FOXP1: variants seen among roughly 807,000 people sequenced by gnomAD.
The protein encoded by FOXP1 is forkhead box P1.
Under a neutral mutation model 98.2 loss-of-function variants are expected in FOXP1, and 15 were observed. That is an observed-to-expected ratio of 0.15 (90% CI 0.10 to 0.24). The LOEUF is 0.24. Ranked by LOEUF, FOXP1 falls within the 10% of genes least tolerant of loss-of-function variation. The probability of loss-of-function intolerance (pLI) is 1.00; values close to 1 mark genes in which losing one functional copy is unlikely to be tolerated. For missense variants in FOXP1, 633 were observed against 848.5 expected (o/e 0.75, Z 3.15); for synonymous variants, 371 against 314.5 (o/e 1.18, Z -1.90).
intron 2 of FOXP1, among the ~76,000 whole-genome samples, chr3:71,560,030 G>A (rs2046419171): frequency 6.6e-6 from 1 of 152,112 alleles, no homozygotes; most frequent in Admixed American, 6.5e-5. Context: ...GAATGAAGGA[G>A]ACAATGAGAA....
At chr3:71,421,231 G>C (rs2083618052) in intron 3 of FOXP1, among the ~76,000 whole-genome samples, 1 of 152,104 alleles carries the variant, frequency 6.6e-6, no homozygotes, top group Non-Finnish European at 1.5e-5. Context: ...AAGCAAGAAA[G>C]AAACTACAGG....
At chr3:71,462,532 G>A (rs1021853092) in intron 3 of FOXP1, among the ~76,000 whole-genome samples, 1 of 152,076 alleles carries the variant, frequency 6.6e-6, no homozygotes, top group Non-Finnish European at 1.5e-5. Context: ...AGCTCCAGTC[G>A]CCGTTCAACT....
intron 4 of FOXP1, among the ~76,000 whole-genome samples, chr3:71,330,917 A>C (rs1185362724): frequency 1.3e-5 from 2 of 152,260 alleles, no homozygotes; most frequent in Non-Finnish European, 2.9e-5. Flanking sequence ...TAAGAAAATC[A>C]GGCCAGGCAC....
chr3:71,009,916 A>ATTTTTTT (rs200610453), intron 12 of FOXP1, among the ~76,000 whole-genome samples: 16 of 133,032 alleles, frequency 1.2e-4, no homozygotes, highest in African/African-American at 4.2e-4. Flanking sequence ...ACCCAGCTGA[A>ATTTTTTT]TTTTTTTTTT....
chr3:71,307,237 C>T (rs2074345478), intron 4 of FOXP1, among the ~76,000 whole-genome samples: 3 of 152,198 alleles, frequency 2.0e-5, no homozygotes, highest in Non-Finnish European at 4.4e-5. Flanking sequence ...AGATCCTTCA[C>T]AGCCTTCGAG....
intron 7 of FOXP1, among the ~76,000 whole-genome samples, chr3:71,078,079 C>G (rs1021963208): frequency 6.6e-6 from 1 of 152,136 alleles, no homozygotes; most frequent in Non-Finnish European, 1.5e-5. Flanking sequence ...TGATCCGCCT[C>G]CCTTGGCCTC....
chr3:71,542,992 A>G (rs1258587817), intron 2 of FOXP1, among the ~76,000 whole-genome samples: 1 of 152,222 alleles, frequency 6.6e-6, no homozygotes, highest in Non-Finnish European at 1.5e-5. Context: ...CCCCAGAGAA[A>G]GGCAATGCTT....
At chr3:70,962,712 T>TATCA (rs1249827865) in intron 20 of FOXP1, among the ~76,000 whole-genome samples, 4 of 152,208 alleles carry the variant, frequency 2.6e-5, no homozygotes, top group Non-Finnish European at 5.9e-5. Context: ...CTATCAGGTC[T>TATCA]ATCAATCTTT....
At chr3:71,436,018 G>A (rs1310589059) in intron 3 of FOXP1, among the ~76,000 whole-genome samples, 1 of 151,524 alleles carries the variant, frequency 6.6e-6, no homozygotes, top group Non-Finnish European at 1.5e-5. Context: ...AAGAAAGGAA[G>A]AAAGGGGGGA....
intron 2 of FOXP1, among the ~76,000 whole-genome samples, chr3:71,579,632 C>CTTTTTTTTTTTTTT (rs35646548): frequency 2.4e-5 from 3 of 123,000 alleles, no homozygotes; most frequent in Non-Finnish European, 4.9e-5. Context: ...TTTCTTTTTT[C>CTTTTTTTTTTTTTT]TTTTTTTTTT....
intron 14 of FOXP1, among the ~76,000 whole-genome samples, chr3:70,979,307 A>G (rs2038319067): frequency 4.0e-5 from 6 of 149,268 alleles, no homozygotes; most frequent in Admixed American, 6.7e-5. Context: ...AAAAAAAAAA[A>G]AAAAAAAAAA....
chr3:71,004,836 T>C (rs1039402901), intron 12 of FOXP1, among the ~76,000 whole-genome samples: 2 of 152,162 alleles, frequency 1.3e-5, no homozygotes, highest in Non-Finnish European at 2.9e-5. Context: ...CACTGCTTGA[T>C]GGTTCTTTTC....
intron 6 of FOXP1, among the ~76,000 whole-genome samples, chr3:71,176,150 A>G (rs1402404428): frequency 1.3e-5 from 2 of 152,220 alleles, no homozygotes; most frequent in Non-Finnish European, 1.5e-5. Flanking sequence ...AGCCTGTTAC[A>G]TAATCCTAAG....
intron 3 of FOXP1, among the ~76,000 whole-genome samples, chr3:71,467,444 A>G (rs1227532685): frequency 6.6e-6 from 1 of 152,200 alleles, no homozygotes. Flanking sequence ...CTCCCCAAAA[A>G]GAAATGACTG....
rs370035656 is a variant in FOXP1, at chr3:71,507,782, T to A, written c.-297-14227A>T. 8.5e-5 allele frequency among the ~76,000 whole-genome samples: 13 copies of A among 152,322 alleles called. No homozygotes were observed. The East Asian group carries it at 2.1e-3, about 25-fold the overall frequency. On this transcript the variant is annotated intron_variant, in intron 2 of 20. Transcript: ENST00000649528. ...TTAGTAGAGATGGGGTTTCACCATGTTAGCCAGGATGGTCTCGATCTCCTG... is the reference window on the plus strand; with the variant it reads ...TTAGTAGAGATGGGGTTTCACCATGATAGCCAGGATGGTCTCGATCTCCTG...
chr3:71,129,193 A>G (rs950482234), intron 6 of FOXP1, among the ~76,000 whole-genome samples: 3 of 152,120 alleles, frequency 2.0e-5, no homozygotes, highest in African/African-American at 7.2e-5. Context: ...CTAACATCTG[A>G]GTAAATACCT....
chr3:71,110,402 T>A lies in FOXP1; in HGVS notation c.282+2134A>T, dbSNP rs149281123. ...CCAAAGCTCTACTATGTGTAAGATT[T>A]CCCCCCCAATAATATATTTTCATTT... On this transcript the variant is annotated intron_variant, in intron 7 of 20. Coordinates refer to ENST00000649528, the MANE Select transcript of FOXP1 (RefSeq NM_001349338.3). Among the ~76,000 whole-genome samples, 692 of 152,124 alleles carry A rather than the reference T, an allele frequency of 4.5e-3. 7 individuals carry two copies. The highest frequency in any genetic ancestry group is 0.016 in the African/African-American group (650 of 41,496).
chr3:70,967,713 T>TG, intron 19 of FOXP1, among the ~76,000 whole-genome samples: 1 of 136,064 alleles, frequency 7.3e-6, no homozygotes, highest in African/African-American at 3.0e-5. Flanking sequence ...TTTTTTTGTT[T>TG]TTTTTTTTTT....
Position 70,970,776 on chromosome 3 carries a change from C to T in FOXP1, c.1682G>A (p.Ser561Asn). Residue 561 changes from serine (S) to asparagine (N), a missense_variant, in exon 19 of 21, where the codon AGC (serine) becomes AAC (asparagine). Ser to Asn is a conservative substitution (Grantham distance 46). Coordinates refer to ENST00000649528, the MANE Select transcript of FOXP1 (RefSeq NM_001349338.3). The part of the protein sequence containing the change: ...GNPSLIKNMQ[S>N]SHAYCTPLNA... Reference sequence around the variant, plus strand: ...GAGAGGTGTGCAGTAGGCGTGGCTGCTCTGCATGTTTTTAATAAGGGAAGG... The same window carrying T: ...GAGAGGTGTGCAGTAGGCGTGGCTGTTCTGCATGTTTTTAATAAGGGAAGG... 6.2e-7 allele frequency: 1 copy of T among 1,613,992 alleles called. No homozygotes were observed. The highest frequency in any genetic ancestry group is 1.7e-5 in the Admixed American group (1 of 60,018).
Sources: allele counts gnomAD v4.1 joint callset (sites outside exome capture counted in the v4.1 genomes callset), GRCh38; gene constraint gnomAD v4.1.1; transcripts MANE v1.5; gene names NCBI Gene and HGNC (gene_info 2026-07-23, HGNC 2026-07-21).